DPY19L2: variants seen among roughly 807,000 people sequenced by gnomAD.
The protein encoded by DPY19L2 is dpy-19 like 2, also known as probable C-mannosyltransferase DPY19L2.
Under a neutral mutation model 97.9 loss-of-function variants are expected in DPY19L2, and 34 were observed. The observed-to-expected ratio is 0.35, with a 90% CI of 0.26 to 0.46. DPY19L2 has a LOEUF of 0.46. Among genes scored for constraint, DPY19L2 ranks in the 20% least tolerant of loss-of-function variants. DPY19L2 has a pLI of 1.00. For missense variants in DPY19L2, 623 were observed against 911.4 expected, an observed-to-expected ratio of 0.68 and a Z score of 4.07; for synonymous variants, 230 against 307.9, an observed-to-expected ratio of 0.75 and a Z score of 2.65.
chr12:63,611,698 T>C (rs1431304138), intron 11 of DPY19L2, among the ~76,000 whole-genome samples: 1 of 152,018 alleles, frequency 6.6e-6, no homozygotes, highest in East Asian at 1.9e-4. Context: ...AAACAACCAG[T>C]GAACTCTTGA....
intron 4 of DPY19L2, among the ~76,000 whole-genome samples, chr12:63,656,719 T>C (rs955417743): frequency 6.6e-6 from 1 of 152,178 alleles, no homozygotes; most frequent in African/African-American, 2.4e-5. Flanking sequence ...AGCTCTTAGA[T>C]GTTCTATCAT....
chr12:63,596,037 T>C lies in DPY19L2; in HGVS notation c.1462A>G (p.Thr488Ala). 2 of 1,598,104 alleles carry C rather than the reference T, an allele frequency of 1.3e-6. No homozygotes were observed. The highest frequency in any genetic ancestry group is 8.5e-7 in the Non-Finnish European group (1 of 1,172,704). Residue 488 changes from threonine (T) to alanine (A), a missense_variant and splice_region_variant, in exon 15 of 22, where the codon ACT becomes GCT. By Grantham distance (58) the Thr-to-Ala change is moderately conservative. Around this residue, in one of 6 missense-constraint regions of DPY19L2, gnomAD observed 294 missense variants for 446.2 expected, o/e 0.66. Transcript: ENST00000324472. ...APEFDFMEKA[T>A]PLRYTKTLLL... ...AATGTCTTTGTGTATCTCAGCGGAG[T>C]CTGAAATATACCAAATTATTCAAAA...
At chr12:63,634,377 C>T (rs1286932935) in intron 6 of DPY19L2, among the ~76,000 whole-genome samples, 6 of 152,058 alleles carry the variant, frequency 3.9e-5, no homozygotes, top group Non-Finnish European at 5.9e-5. Context: ...GCTCCCAGCA[C>T]GAGCGACACA....
chr12:63,593,500 T>C (rs1483119000), intron 16 of DPY19L2, among the ~76,000 whole-genome samples: 4 of 152,112 alleles, frequency 2.6e-5, no homozygotes. Context: ...GGGACATGGA[T>C]GAAATTGGAA....
chr12:63,632,410 A>G (rs1890857240), intron 6 of DPY19L2, among the ~76,000 whole-genome samples: 1 of 152,136 alleles, frequency 6.6e-6, no homozygotes, highest in Admixed American at 6.5e-5. Flanking sequence ...AACCATTCCT[A>G]TACACCACTA....
intron 4 of DPY19L2, among the ~76,000 whole-genome samples, chr12:63,655,470 C>A (rs1894843976): frequency 6.6e-6 from 1 of 151,916 alleles, no homozygotes; most frequent in Non-Finnish European, 1.5e-5. Flanking sequence ...GAAGTAGGCA[C>A]CTGGGATACA....
intron 15 of DPY19L2, among the ~76,000 whole-genome samples, chr12:63,594,586 T>TGTGC (rs1379810435): frequency 6.6e-6 from 1 of 150,416 alleles, no homozygotes; most frequent in Non-Finnish European, 1.5e-5. Flanking sequence ...TTTGTATGTG[T>TGTGC]GTGTGTGTGC....
At chr12:63,605,722 A>G (rs780085094) in intron 12 of DPY19L2, among the ~76,000 whole-genome samples, 2 of 152,200 alleles carry the variant, frequency 1.3e-5, no homozygotes, top group African/African-American at 4.8e-5. Flanking sequence ...TTATAAATTT[A>G]TAAAGACATA....
intron 11 of DPY19L2, among the ~76,000 whole-genome samples, chr12:63,617,053 AT>A (rs983862864): frequency 5.9e-5 from 9 of 152,306 alleles, no homozygotes; most frequent in African/African-American, 2.2e-4. Flanking sequence ...AAAATGGGAT[AT>A]GATTAAAGTA....
chr12:63,594,039 TTAA>T, intron 16 of DPY19L2, 45 bp downstream of exon 16: 2 of 1,289,176 alleles, frequency 1.6e-6, no homozygotes, highest in South Asian at 1.4e-5. Context: ...AGTAAGTTAT[TTAA>T]TAATGGAATA....
intron 19 of DPY19L2, among the ~76,000 whole-genome samples, chr12:63,571,905 G>A (rs1878928912): frequency 6.6e-6 from 1 of 152,102 alleles, no homozygotes; most frequent in South Asian, 2.1e-4. Flanking sequence ...CATAAAATCA[G>A]TAACAAAGAT....
At chr12:63,623,208 A>G (rs1384320653) in intron 8 of DPY19L2, among the ~76,000 whole-genome samples, 1 of 151,666 alleles carries the variant, frequency 6.6e-6, no homozygotes, top group Non-Finnish European at 1.5e-5. Context: ...TTAAATATCT[A>G]AAATGCTTAT....
chr12:63,594,577 TTGTA>T (rs1592491647), intron 15 of DPY19L2, among the ~76,000 whole-genome samples: 1 of 124,210 alleles, frequency 8.1e-6, no homozygotes, highest in East Asian at 2.2e-4. Flanking sequence ...GTAGGGATGT[TTGTA>T]TGTGTGTGTG....
rs1287724211 is a variant in DPY19L2, at chr12:63,609,425, G to A, written c.1219-750C>T. On this transcript the variant is annotated intron_variant, in intron 11 of 21. Coordinates refer to ENST00000324472, the MANE Select transcript of DPY19L2 (RefSeq NM_173812.5). ...ATAGTGTTTGGAGGGTGGGCCTCTA[G>A]GAAGTAATTGAGTCATGAGGGTGAA... 2.0e-5 allele frequency among the ~76,000 whole-genome samples: 3 copies of A among 152,062 alleles called. No homozygotes were observed. In the East Asian group the frequency reaches 5.8e-4, roughly 29 times the overall value.
At chr12:63,601,032 G>A (rs1325349241) in intron 12 of DPY19L2, among the ~76,000 whole-genome samples, 5 of 152,186 alleles carry the variant, frequency 3.3e-5, no homozygotes, top group Middle Eastern at 3.4e-3. Context: ...TGATCCACCC[G>A]TCTCGGCCTC....
chr12:63,650,579 CA>C (rs1030806975), intron 4 of DPY19L2, among the ~76,000 whole-genome samples: 15 of 151,600 alleles, frequency 9.9e-5, no homozygotes, highest in Non-Finnish European at 1.6e-4. Context: ...ACAATAGCCA[CA>C]AAAAAAGTAA....
chr12:63,574,404 A>G (rs184060100), intron 19 of DPY19L2, among the ~76,000 whole-genome samples: 1 of 152,132 alleles, frequency 6.6e-6, no homozygotes, highest in African/African-American at 2.4e-5. Context: ...AGGAAGGAAG[A>G]GAAGACCACA....
intron 16 of DPY19L2, among the ~76,000 whole-genome samples, chr12:63,586,749 T>C (rs1389913022): frequency 3.3e-5 from 5 of 152,190 alleles, no homozygotes; most frequent in Admixed American, 6.5e-5. Flanking sequence ...GCTACTATCG[T>C]TGGTGGTAAC....
At position 63,649,322 on chromosome 12, in the gene DPY19L2, C is replaced by A. The variant is rs529588510; in HGVS notation, c.589-1957G>T. On this transcript the variant is annotated intron_variant, in intron 4 of 21. Coordinates refer to ENST00000324472, the MANE Select transcript of DPY19L2 (RefSeq NM_173812.5). ...AATCTAGCAGAAGACAAGAAATAACCAAATCAGAGATGAACTGAATGAAAT... is the reference window on the plus strand; with the variant it reads ...AATCTAGCAGAAGACAAGAAATAACAAAATCAGAGATGAACTGAATGAAAT... Among the ~76,000 whole-genome samples the A allele has an allele frequency of 2.6e-5, 4 of 151,998 alleles. No individual in the cohort carries two copies. In the South Asian group the frequency reaches 8.3e-4, roughly 32 times the overall value.
Sources: allele counts gnomAD v4.1 joint callset (sites outside exome capture counted in the v4.1 genomes callset), GRCh38; gene constraint gnomAD v4.1.1; regional missense constraint gnomAD v4.1.1; transcripts MANE v1.5; gene names NCBI Gene and HGNC (gene_info 2026-07-23, HGNC 2026-07-21).